The following LGR5 variants were observed in gnomAD, a reference collection of about 807,000 sequenced individuals.
The protein encoded by LGR5 is leucine rich repeat containing G protein-coupled receptor 5, also known as leucine-rich repeat-containing G protein-coupled receptor 5.
Under a neutral mutation model 76.7 loss-of-function variants are expected in LGR5, and 54 were observed. That is an observed-to-expected ratio of 0.70 (90% CI 0.57 to 0.88). The LOEUF is 0.88. Ranked by LOEUF, LGR5 falls within the 40% of genes least tolerant of loss-of-function variation. The pLI is 0.00. For synonymous variants in LGR5, 406 were observed against 421.9 expected, an observed-to-expected ratio of 0.96 and a Z score of 0.46; for missense variants, 1,078 against 1,073.3, an observed-to-expected ratio of 1.00 and a Z score of -0.06.
At chr12:71,446,148 C>G (rs1290741567) in intron 1 of LGR5, among the ~76,000 whole-genome samples, 2 of 152,154 alleles carry the variant, frequency 1.3e-5, no homozygotes, top group Non-Finnish European at 2.9e-5. Context: ...ATTGGCTGAA[C>G]CAGCTGCTGA....
At chr12:71,548,321 G>GTGTGTGTA (rs147007812) in intron 4 of LGR5, among the ~76,000 whole-genome samples, 125 of 151,222 alleles carry the variant, frequency 8.3e-4, no homozygotes, top group Non-Finnish European at 1.3e-3. Flanking sequence ...GTGTGTGTGT[G>GTGTGTGTA]TGTGCGTAGA....
intron 1 of LGR5, among the ~76,000 whole-genome samples, chr12:71,482,504 C>A (rs577181245): frequency 4.1e-4 from 62 of 151,972 alleles, no homozygotes; most frequent in African/African-American, 1.4e-3. Flanking sequence ...ACTCTAATGA[C>A]CTTATTTAAA....
chr12:71,544,157 T>C (rs1312049081), intron 4 of LGR5, among the ~76,000 whole-genome samples: 1 of 152,140 alleles, frequency 6.6e-6, no homozygotes, highest in East Asian at 1.9e-4. Context: ...ACATTTCATC[T>C]GGCTGCTAGT....
At chr12:71,508,013 G>A (rs1412627383) in intron 2 of LGR5, among the ~76,000 whole-genome samples, 2 of 150,120 alleles carry the variant, frequency 1.3e-5, no homozygotes, top group Non-Finnish European at 1.5e-5. Flanking sequence ...GAGTTCAGGA[G>A]ATCGAGACCA....
intron 2 of LGR5, among the ~76,000 whole-genome samples, chr12:71,510,743 TAAC>T (rs58883982): frequency 0.092 from 14,035 of 151,950 alleles, 691 homozygotes; most frequent in Non-Finnish European, 0.11. Flanking sequence ...AAGGAACAAA[TAAC>T]AAGGAGTGAG....
chr12:71,511,911 T>C (rs193090509), intron 2 of LGR5, among the ~76,000 whole-genome samples: 2 of 152,286 alleles, frequency 1.3e-5, no homozygotes, highest in East Asian at 3.9e-4. Flanking sequence ...GTCTTTCCTG[T>C]TTGTTCACTC....
chr12:71,549,279 C>T (rs1389147012), intron 4 of LGR5, among the ~76,000 whole-genome samples: 2 of 151,238 alleles, frequency 1.3e-5, no homozygotes, highest in Non-Finnish European at 3.0e-5. Flanking sequence ...ATAGTGGTCG[C>T]CAGGGGCTGG....
chr12:71,480,415 C>T lies in LGR5; in HGVS notation c.213-24199C>T, dbSNP rs910783715. Among the ~76,000 whole-genome samples the T allele has an allele frequency of 6.6e-5, 10 of 151,380 alleles. No individual in the cohort carries two copies. In the East Asian group the frequency reaches 1.2e-3, roughly 18 times the overall value. ...AACAAGTGGGATGAAGCAGGCAGGCCGGGAGGTGTGACTAGAGAGAGTTGG... is the reference window on the plus strand; with the variant it reads ...AACAAGTGGGATGAAGCAGGCAGGCTGGGAGGTGTGACTAGAGAGAGTTGG... On this transcript the variant is annotated intron_variant, in intron 1 of 17. Transcript: ENST00000266674.
Position 71,444,497 on chromosome 12 carries a change from C to T in LGR5, c.212+4205C>T, listed in dbSNP as rs370086342. ...ATAAATATTTACTGAATATATTTAA[C>T]ATATGCATGGCAGAGTTGGTGTGAC... On this transcript the variant is annotated intron_variant, in intron 1 of 17. Transcript: ENST00000266674. Among the ~76,000 whole-genome samples, 9 of 152,150 alleles carry T rather than the reference C, an allele frequency of 5.9e-5. No homozygotes were observed. The East Asian group carries it at 1.7e-3, about 29-fold the overall frequency.
chr12:71,492,353 G>C (rs764188326), intron 1 of LGR5, among the ~76,000 whole-genome samples: 18 of 152,144 alleles, frequency 1.2e-4, no homozygotes, highest in Non-Finnish European at 2.6e-4. Context: ...TAGTAAGAAG[G>C]CATGCTTCTC....
intron 3 of LGR5, among the ~76,000 whole-genome samples, chr12:71,527,370 G>A (rs534493786): frequency 1.3e-5 from 2 of 152,268 alleles, no homozygotes; most frequent in South Asian, 2.1e-4. Context: ...TCTGGAGGCT[G>A]GGAAGTCCAA....
intron 1 of LGR5, among the ~76,000 whole-genome samples, chr12:71,463,755 C>T (rs1315005342): frequency 1.3e-5 from 2 of 152,108 alleles, no homozygotes; most frequent in Non-Finnish European, 2.9e-5. Context: ...CTGCAACAAA[C>T]AGCTCTCTTG....
chr12:71,548,317 G>A (rs1877299149), intron 4 of LGR5, among the ~76,000 whole-genome samples: 2 of 140,020 alleles, frequency 1.4e-5, no homozygotes, highest in South Asian at 4.5e-4. Flanking sequence ...GTGTGTGTGT[G>A]TGTGTGTGCG....
intron 1 of LGR5, among the ~76,000 whole-genome samples, chr12:71,493,409 G>A (rs1007515386): frequency 2.6e-5 from 4 of 151,226 alleles, no homozygotes; most frequent in Non-Finnish European, 5.9e-5. Flanking sequence ...GAAAATTTTT[G>A]TGTATTTTCT....
intron 3 of LGR5, among the ~76,000 whole-genome samples, chr12:71,528,252 G>T (rs1876118443): frequency 6.6e-6 from 1 of 152,084 alleles, no homozygotes; most frequent in South Asian, 2.1e-4. Flanking sequence ...GAGCTCAGGA[G>T]TTCAAGACCA....
intron 4 of LGR5, among the ~76,000 whole-genome samples, chr12:71,546,918 G>A (rs559432561): frequency 6.6e-6 from 1 of 152,240 alleles, no homozygotes; most frequent in East Asian, 1.9e-4. Flanking sequence ...GGCCCCTCAG[G>A]GTGAACTTGA....
chr12:71,472,673 A>G (rs573481917), intron 1 of LGR5, among the ~76,000 whole-genome samples: 1 of 152,370 alleles, frequency 6.6e-6, no homozygotes, highest in South Asian at 2.1e-4. Context: ...CCTTTGTTTC[A>G]AGAATGTTGT....
rs1878609438 is a variant in LGR5, at chr12:71,571,510, T to G, written c.1071-4T>G. 6.2e-7 allele frequency: 1 copy of G among 1,603,880 alleles called. No homozygotes were observed. Among genetic ancestry groups the G allele is most frequent in the Admixed American group, 1.7e-5 (1 of 58,876 alleles). The stretch of plus-strand genomic sequence containing the variant: ...TTTCCCTTTTTGCACCTTCTGTTTT[T>G]CAGAGATCTGTCTTACAACCTATTA... On this transcript the variant is annotated splice_polypyrimidine_tract_variant and splice_region_variant and intron_variant, in intron 11 of 17. Coordinates refer to ENST00000266674, the MANE Select transcript of LGR5 (RefSeq NM_003667.4).
At chr12:71,495,576 C>A (rs1874276421) in intron 1 of LGR5, among the ~76,000 whole-genome samples, 1 of 151,268 alleles carries the variant, frequency 6.6e-6, no homozygotes, top group Non-Finnish European at 1.5e-5. Context: ...TTTACTTTAA[C>A]ATTTCTCATA....
Sources: allele counts gnomAD v4.1 joint callset (sites outside exome capture counted in the v4.1 genomes callset), GRCh38; gene constraint gnomAD v4.1.1; transcripts MANE v1.5; gene names NCBI Gene and HGNC (gene_info 2026-07-23, HGNC 2026-07-21).